RB1: variants seen among roughly 807,000 people sequenced by gnomAD.
RB1 encodes the protein RB transcriptional corepressor 1.
In RB1, 18 loss-of-function variants were observed where a neutral mutation model predicts 135.4. The ratio of observed to expected loss-of-function variants is 0.13; its 90% confidence interval spans 0.09 to 0.20. RB1 has a LOEUF of 0.20. Ranked by LOEUF, RB1 falls within the 10% of genes least tolerant of loss-of-function variation. The pLI, the probability that RB1 is intolerant of heterozygous loss-of-function variation, is 1.00. For missense variants in RB1, 868 were observed against 1,110.0 expected (o/e 0.78, Z 3.10); for synonymous variants, 365 against 373.2 (o/e 0.98, Z 0.25).
At chr13:48,359,744 T>C (rs1238476057) in intron 6 of RB1, among the ~76,000 whole-genome samples, 1 of 151,232 alleles carries the variant, frequency 6.6e-6, no homozygotes, top group African/African-American at 2.4e-5. Context: ...ACATAAAGAA[T>C]TAATTATAAC....
At chr13:48,473,199 T>C (rs1949482907) in intron 23 of RB1, among the ~76,000 whole-genome samples, 161 bp from the exon 24 acceptor site, 2 of 152,186 alleles carry the variant, frequency 1.3e-5, no homozygotes. Flanking sequence ...CGGGCACTGT[T>C]AGAATAATTC....
rs2138091600 is a variant in RB1, at chr13:48,347,838, A to G, written c.514A>G (p.Ile172Val). The G allele has an allele frequency of 2.5e-6, 4 of 1,594,372 alleles. No homozygotes were observed. In the South Asian group the frequency reaches 3.3e-5, roughly 13 times the overall value. The change falls in exon 5 of 27, where the codon ATA becomes GTA. Residue 172 changes from isoleucine to valine, a missense_variant. Ile to Val is a conservative substitution (Grantham distance 29). Around this residue, in one of 3 missense-constraint regions of RB1, gnomAD observed 641 missense variants for 791.3 expected, o/e 0.81. Transcript: ENST00000267163. ...FSKLERTCEL[I>V]YLTQPSSSIS... ...TTTTCTTTTCAGGACATGTGAACTTATATATTTGACACAACCCAGCAGTTC... is the reference window on the plus strand; with the variant it reads ...TTTTCTTTTCAGGACATGTGAACTTGTATATTTGACACAACCCAGCAGTTC...
intron 2 of RB1, among the ~76,000 whole-genome samples, chr13:48,337,150 A>G (rs1417477114): frequency 6.6e-6 from 1 of 152,204 alleles, no homozygotes; most frequent in Non-Finnish European, 1.5e-5. Context: ...AAGAATGTAT[A>G]TTCTGTTGAT....
chr13:48,355,409 C>T (rs1482806149), intron 6 of RB1, among the ~76,000 whole-genome samples: 1 of 152,038 alleles, frequency 6.6e-6, no homozygotes, highest in Non-Finnish European at 1.5e-5. Context: ...ATTCAAAAGA[C>T]AGGCAATAAC....
intron 24 of RB1, among the ~76,000 whole-genome samples, chr13:48,474,952 T>C (rs1949495033): frequency 6.6e-6 from 1 of 152,122 alleles, no homozygotes; most frequent in Non-Finnish European, 1.5e-5. Context: ...CTACTTATTA[T>C]AACCTCAAAC....
intron 17 of RB1, among the ~76,000 whole-genome samples, chr13:48,450,737 T>A (rs574276920): frequency 5.3e-5 from 8 of 152,358 alleles, no homozygotes; most frequent in African/African-American, 1.9e-4. Context: ...GGTAGTTTAA[T>A]GGGAATAGCA....
chr13:48,351,369 T>C (rs1952545838), intron 6 of RB1, among the ~76,000 whole-genome samples: 1 of 152,160 alleles, frequency 6.6e-6, no homozygotes, highest in Non-Finnish European at 1.5e-5. Flanking sequence ...GCTTATTGGC[T>C]GCATGTATGT....
chr13:48,438,074 A>G (rs79047668), intron 17 of RB1, among the ~76,000 whole-genome samples: 1,651 of 152,028 alleles, frequency 0.011, 31 homozygotes, highest in African/African-American at 0.038. Context: ...TATTTTAAGA[A>G]CTCCCTGAAA....
intron 17 of RB1, chr13:48,411,518 T>C: frequency 6.2e-7 from 1 of 1,612,938 alleles, no homozygotes; most frequent in Non-Finnish European, 8.5e-7. Context: ...TTTTCATTTT[T>C]ATTGAATTCT....
chr13:48,436,637 C>T (rs1949187187), intron 17 of RB1, among the ~76,000 whole-genome samples: 1 of 143,278 alleles, frequency 7.0e-6, no homozygotes, highest in African/African-American at 2.5e-5. Context: ...GAGCAAGACT[C>T]TCTCTTAAAA....
At chr13:48,479,386 G>A (rs1949523409) in intron 26 of RB1, among the ~76,000 whole-genome samples, 1 of 152,222 alleles carries the variant, frequency 6.6e-6, no homozygotes, top group African/African-American at 2.4e-5. Context: ...ATTCTAGTCT[G>A]CTGAAGTATA....
chr13:48,418,657 A>G (rs1370263736), intron 17 of RB1, among the ~76,000 whole-genome samples: 1 of 151,974 alleles, frequency 6.6e-6, no homozygotes, highest in Non-Finnish European at 1.5e-5. Flanking sequence ...ACATGCAAAG[A>G]CACGTGCTCT....
At position 48,329,251 on chromosome 13, in the gene RB1, T is replaced by A. The variant is rs548237855; in HGVS notation, c.265-13348T>A. Among the ~76,000 whole-genome samples the A allele has an allele frequency of 3.9e-5, 6 of 152,342 alleles. No homozygotes were observed. The South Asian group carries it at 1.0e-3, about 26-fold the overall frequency. On this transcript the variant is annotated intron_variant, in intron 2 of 26. Transcript: ENST00000267163. ...CATTTTCATATTCTAAAAACTATTT[T>A]TAAAGACAGGTTGATTCAGAATTAC...
chr13:48,311,675 C>A (rs2138040594), intron 2 of RB1, among the ~76,000 whole-genome samples: 1 of 152,056 alleles, frequency 6.6e-6, no homozygotes, highest in Admixed American at 6.5e-5. Flanking sequence ...TTAGAATGGT[C>A]CTTTTAAATT....
intron 17 of RB1, among the ~76,000 whole-genome samples, chr13:48,434,627 G>A (rs775000166): frequency 6.6e-6 from 1 of 152,084 alleles, no homozygotes; most frequent in African/African-American, 2.4e-5. Flanking sequence ...ACACTATTCA[G>A]GGGTTTCCAC....
At position 48,319,143 on chromosome 13, in the gene RB1, G is replaced by A; in HGVS notation, c.264+11737G>A. 1 of 605,382 alleles carries A rather than the reference G, an allele frequency of 1.7e-6. No homozygotes were observed. The highest frequency in any genetic ancestry group is 3.0e-6 in the Non-Finnish European group (1 of 332,730). The allele number at this position is 605,382 out of a possible 1,614,324, so 37.5% of individuals were successfully genotyped here. Reference sequence around the variant, plus strand: ...GGCGGAGCTTTGGTTTCCTTCGGGAGCTTGTGGGGAATGGTCAGCGTCTAG... The same window carrying A: ...GGCGGAGCTTTGGTTTCCTTCGGGAACTTGTGGGGAATGGTCAGCGTCTAG... On this transcript the variant is annotated intron_variant, in intron 2 of 26. Coordinates refer to ENST00000267163, the MANE Select transcript of RB1 (RefSeq NM_000321.3). This position sits in a 1 kb window ranked among gnomAD's most constrained non-coding sequence, Gnocchi z 5.0.
At chr13:48,457,385 C>CTTCTG (rs540561177) in intron 19 of RB1, among the ~76,000 whole-genome samples, 111 of 152,324 alleles carry the variant, frequency 7.3e-4, no homozygotes, top group African/African-American at 2.6e-3. Context: ...GTCTCTCCAT[C>CTTCTG]CTCTGCTCTG....
chr13:48,364,851 G>C (rs2138116097), intron 8 of RB1, 43 bp from the exon 9 acceptor site: 1 of 1,539,014 alleles, frequency 6.5e-7, no homozygotes, highest in Non-Finnish European at 8.8e-7. Flanking sequence ...ATTAGATTTT[G>C]TTTTAAATTT....
At chr13:48,348,908 A>T (rs750167776) in intron 5 of RB1, 48 bp from the exon 6 acceptor site, 2 of 1,578,652 alleles carry the variant, frequency 1.3e-6, no homozygotes, top group Non-Finnish European at 1.7e-6. Flanking sequence ...ACTTTCTTTC[A>T]GTGATACATT....
Sources: allele counts gnomAD v4.1 joint callset (sites outside exome capture counted in the v4.1 genomes callset), GRCh38; gene constraint gnomAD v4.1.1; regional missense constraint gnomAD v4.1.1; non-coding constraint Gnocchi (gnomAD v3.1); transcripts MANE v1.5; gene names NCBI Gene and HGNC (gene_info 2026-07-23, HGNC 2026-07-21).